The following PDE6G variants were observed in gnomAD, a reference collection of about 807,000 sequenced individuals.
The protein encoded by PDE6G is rod cGMP 3',5'-cyclic phosphodiesterase subunit gamma.
PDE6G carries 10 observed loss-of-function variants against 10.9 expected under a neutral mutation model. That is an observed-to-expected ratio of 0.91 (90% CI 0.56 to 1.55). PDE6G has a LOEUF of 1.55. Among genes scored for constraint, PDE6G ranks in the 40% most tolerant of loss-of-function variants. The pLI is 0.00. For missense variants in PDE6G, 102 were observed against 110.1 expected (o/e 0.93, Z 0.33); for synonymous variants, 41 against 42.8 (o/e 0.96, Z 0.16).
At position 81,651,055 on chromosome 17, in the gene PDE6G, A is replaced by G. The variant is rs781344517; in HGVS notation, c.*19T>C. 1 of 1,590,100 alleles carries G rather than the reference A, an allele frequency of 6.3e-7. No individual in the cohort carries two copies. On this transcript the variant is annotated 3_prime_UTR_variant, in exon 4 of 4. Transcript: ENST00000331056. This position sits in a 1 kb window ranked among gnomAD's most constrained non-coding sequence, Gnocchi z 4.8. ...AGTGGGCAGGAGGGGGAGGGTCTGG[A>G]CTTCAGCAGGGCCTCGTGCTAGATG...
intron 1 of PDE6G, among the ~76,000 whole-genome samples, chr17:81,655,561 C>T (rs2036434953): frequency 6.6e-6 from 1 of 152,256 alleles, no homozygotes; most frequent in African/African-American, 2.4e-5. Context: ...GCCCTAAGCC[C>T]CAGTGACCTG....
chr17:81,656,093 C>A (rs1033009843), intron 1 of PDE6G, among the ~76,000 whole-genome samples: 2 of 152,222 alleles, frequency 1.3e-5, no homozygotes, highest in Admixed American at 6.5e-5. Flanking sequence ...GCTTCTCCAG[C>A]CCTGGGACAT....
chr17:81,659,151 C>CTTTTT (rs779928637), upstream of PDE6G, among the ~76,000 whole-genome samples: 9 of 114,688 alleles, frequency 7.8e-5, no homozygotes, highest in Admixed American at 2.0e-4. Flanking sequence ...CAATCCATAT[C>CTTTTT]TTTTTTTTTT....
intron 1 of PDE6G, among the ~76,000 whole-genome samples, chr17:81,661,729 G>A (rs186230102): frequency 9.9e-4 from 151 of 151,908 alleles, no homozygotes; most frequent in Admixed American, 2.9e-3. Flanking sequence ...GCGTGGTGGT[G>A]GGTGCCTGTA....
upstream of PDE6G, among the ~76,000 whole-genome samples, chr17:81,658,614 G>A (rs1343400547): frequency 2.0e-5 from 3 of 151,840 alleles, no homozygotes; most frequent in Non-Finnish European, 4.4e-5. Context: ...GCCGAGGCAG[G>A]TGGATTACTT....
chr17:81,653,327 G>T lies in PDE6G; in HGVS notation c.-22C>A. On this transcript the variant is annotated 5_prime_UTR_variant, in exon 2 of 4. Transcript: ENST00000331056. The surrounding 1 kb of genome is among the most constrained non-coding windows in gnomAD (Gnocchi z 5.2). ...TCATGGTGAGGCTGACGGAGACACC[G>T]CGGCAACCTTGGCTCCTGGACTCCC... 6.2e-7 allele frequency: 1 copy of T among 1,610,092 alleles called. No homozygotes were observed.
intron 1 of PDE6G, among the ~76,000 whole-genome samples, chr17:81,655,437 T>A (rs1014188499): frequency 7.2e-5 from 11 of 152,212 alleles, no homozygotes; most frequent in African/African-American, 2.2e-4. Context: ...GTCACCCGCC[T>A]GGCGTGGCGT....
upstream of PDE6G, among the ~76,000 whole-genome samples, chr17:81,657,456 A>G (rs2036461636): frequency 6.6e-6 from 1 of 152,126 alleles, no homozygotes; most frequent in Non-Finnish European, 1.5e-5. Flanking sequence ...AAATCAGAAA[A>G]CCTTTGAATC....
chr17:81,651,741 C>G lies in PDE6G; in HGVS notation c.147-56G>C. 1.3e-6 allele frequency: 2 copies of G among 1,587,962 alleles called. No homozygotes were observed. The highest frequency in any genetic ancestry group is 1.7e-6 in the Non-Finnish European group (2 of 1,159,508). ...CGGGCCCAGTCCTGGCTCAGTCAGC[C>G]TGAGGCCCGAGGTCATCTCTAGCCT... On this transcript the variant is annotated intron_variant, in intron 2 of 3. Transcript: ENST00000331056. The surrounding 1 kb of genome is among the most constrained non-coding windows in gnomAD (Gnocchi z 4.8).
intron 2 of PDE6G, among the ~76,000 whole-genome samples, chr17:81,652,040 C>T (rs537863841): frequency 6.6e-6 from 1 of 152,266 alleles, no homozygotes; most frequent in Non-Finnish European, 1.5e-5. Flanking sequence ...GTGTGCCTCA[C>T]GTGCATATGT....
At position 81,651,602 on chromosome 17, in the gene PDE6G, G is replaced by A; in HGVS notation, c.187+43C>T. 2 of 1,602,112 alleles carry A rather than the reference G, an allele frequency of 1.2e-6. No individual in the cohort carries two copies. The highest frequency in any genetic ancestry group is 4.5e-5 in the East Asian group (2 of 44,800). On this transcript the variant is annotated intron_variant, in intron 3 of 3. Transcript: ENST00000331056. The surrounding 1 kb of genome is among the most constrained non-coding windows in gnomAD (Gnocchi z 4.8). ...CCCGGGCGTGCTGGGTGTGCCTGGG[G>A]GGACCTGGGCAGACCTCGGGTTGGT... is the stretch of plus-strand genomic sequence containing the variant.
chr17:81,654,270 G>T (rs978449659), intron 1 of PDE6G, among the ~76,000 whole-genome samples: 1 of 152,016 alleles, frequency 6.6e-6, no homozygotes, highest in African/African-American at 2.4e-5. Context: ...CTGAACCCCC[G>T]CCCTGCAGCC....
rs1325701079 is a variant in PDE6G, at chr17:81,651,971, G to C, written c.147-286C>G. 8.5e-5 allele frequency among the ~76,000 whole-genome samples: 13 copies of C among 152,208 alleles called. No individual in the cohort carries two copies. Among genetic ancestry groups the C allele is most frequent in the Admixed American group, 5.9e-4 (9 of 15,284 alleles). On this transcript the variant is annotated intron_variant, in intron 2 of 3. Transcript: ENST00000331056. This position sits in a 1 kb window ranked among gnomAD's most constrained non-coding sequence, Gnocchi z 4.8. ...AGGTGCGTGCCCTGGGGGAGTACGG[G>C]GGGGTGCGTGGTTGGTGCATGGTCT...
chr17:81,653,156 T>C lies in PDE6G; in HGVS notation c.146+4A>G, dbSNP rs373121071. Reference sequence around the variant, plus strand: ...CAGAGGCCCCATCCCCCAGCTCTGCTTACCCTTGAACGCCTTTCTTTGGGG... The same window carrying C: ...CAGAGGCCCCATCCCCCAGCTCTGCCTACCCTTGAACGCCTTTCTTTGGGG... On this transcript the variant is annotated splice_donor_region_variant and intron_variant, in intron 2 of 3. Transcript: ENST00000331056. This position sits in a 1 kb window ranked among gnomAD's most constrained non-coding sequence, Gnocchi z 5.2. The C allele has an allele frequency of 2.2e-5, 35 of 1,613,728 alleles. No individual in the cohort carries two copies. Among genetic ancestry groups the C allele is most frequent in the Non-Finnish European group, 2.8e-5 (33 of 1,179,872 alleles).
In PDE6G at chr17:81,656,525, G is replaced by C. The variant is rs1598721991; in HGVS notation, c.-92C>G. ...AGGGCGGGTCTCAGGGGGCTGTGCTGTGAGTGCTGGGCCTCCCTCCGCAGG... is the reference window on the plus strand; with the variant it reads ...AGGGCGGGTCTCAGGGGGCTGTGCTCTGAGTGCTGGGCCTCCCTCCGCAGG... On this transcript the variant is annotated 5_prime_UTR_variant, in exon 1 of 4. Coordinates refer to ENST00000331056, the MANE Select transcript of PDE6G (RefSeq NM_002602.4). The C allele has an allele frequency of 1.7e-5, 13 of 763,922 alleles. No individual in the cohort carries two copies. In the East Asian group the frequency reaches 3.2e-4, roughly 19 times the overall value. The allele number at this position is 763,922 out of a possible 1,614,324, so 47.3% of individuals were successfully genotyped here. A position where few individuals can be genotyped will look rare whatever the true frequency, so the allele number is the denominator to read the frequency against.
upstream of PDE6G, among the ~76,000 whole-genome samples, chr17:81,659,577 C>A (rs1465732180): frequency 1.3e-5 from 2 of 151,662 alleles, no homozygotes; most frequent in Non-Finnish European, 2.9e-5. Flanking sequence ...CCAACCTGGG[C>A]GACAGAGGAA....
At chr17:81,654,751 CCTT>C in intron 1 of PDE6G, among the ~76,000 whole-genome samples, 1 of 144,216 alleles carries the variant, frequency 6.9e-6, no homozygotes, top group African/African-American at 2.5e-5. Flanking sequence ...TGGAATCTCA[CCTT>C]TTTTTTTTTT....
At chr17:81,660,529 CTG>C (rs2036500530), upstream of PDE6G, among the ~76,000 whole-genome samples, 1 of 152,192 alleles carries the variant, frequency 6.6e-6, no homozygotes, top group African/African-American at 2.4e-5. Flanking sequence ...AGACTATAAA[CTG>C]TTTTTTGTTT....
chr17:81,656,717 G>T, upstream of PDE6G: 2 of 687,928 alleles, frequency 2.9e-6, no homozygotes, highest in Non-Finnish European at 5.3e-6. Flanking sequence ...ACACCCAGCA[G>T]ATGGGGCCGG....
Sources: gnomAD v4.1 joint callset for allele counts (sites outside exome capture counted in the v4.1 genomes callset) on GRCh38, gnomAD v4.1.1 for gene constraint, Gnocchi (gnomAD v3.1) non-coding constraint, MANE v1.5 for transcripts, NCBI Gene and HGNC (gene_info 2026-07-23, HGNC 2026-07-21) for gene names.